The following PTPRD variants were observed in gnomAD, a reference collection of about 807,000 sequenced individuals.
The protein encoded by PTPRD is protein tyrosine phosphatase receptor type D, also known as receptor-type tyrosine-protein phosphatase delta.
PTPRD carries 34 observed loss-of-function variants against 214.5 expected under a neutral mutation model. The ratio of observed to expected loss-of-function variants is 0.16; its 90% CI spans 0.12 to 0.21. The LOEUF is 0.21. Among genes scored for constraint, PTPRD ranks in the 10% least tolerant of loss-of-function variants. PTPRD has a pLI of 1.00. For missense variants in PTPRD, 2,545 were observed against 2,398.7 expected, an observed-to-expected ratio of 1.06 and a Z score of -1.27; for synonymous variants, 1,128 against 845.7, an observed-to-expected ratio of 1.33 and a Z score of -5.79.
intron 8 of PTPRD, among the ~76,000 whole-genome samples, chr9:9,417,086 G>A (rs1482159557): frequency 6.6e-6 from 1 of 152,058 alleles, no homozygotes; most frequent in African/African-American, 2.4e-5. Flanking sequence ...CAATTTCGGG[G>A]TTAATGAAGC....
rs138808186 is a variant in PTPRD at position 9,807,127 on chromosome 9, G to A, written c.-367-40276C>T. On this transcript the variant is annotated intron_variant, in intron 5 of 45. Coordinates refer to ENST00000381196, the MANE Select transcript of PTPRD (RefSeq NM_002839.4). ...AATCTTTTAATAAACTTTCACTCCC[G>A]CTGCAAAACTTGCCTCAGTCTCTAT... is the stretch of plus-strand genomic sequence containing the variant. Among the ~76,000 whole-genome samples the A allele has an allele frequency of 3.0e-3, 456 of 152,004 alleles. 2 individuals are homozygous for A. The highest frequency in any genetic ancestry group is 0.01 in the Middle Eastern group (3 of 294).
At chr9:10,387,496 C>T (rs948166699) in intron 2 of PTPRD, among the ~76,000 whole-genome samples, 1 of 151,910 alleles carries the variant, frequency 6.6e-6, no homozygotes, top group Admixed American at 6.6e-5. Context: ...TGGCTGAACA[C>T]AGTAAGAGTA....
At chr9:10,203,337 G>A (rs2099441840) in intron 3 of PTPRD, among the ~76,000 whole-genome samples, 3 of 151,974 alleles carry the variant, frequency 2.0e-5, no homozygotes, top group Admixed American at 1.3e-4. Flanking sequence ...CTGGAGTTCA[G>A]AAGAAAATAA....
intron 5 of PTPRD, among the ~76,000 whole-genome samples, chr9:9,872,319 C>T (rs982224801): frequency 6.6e-6 from 1 of 152,128 alleles, no homozygotes; most frequent in Admixed American, 6.5e-5. Context: ...ATTTCCTCCA[C>T]AATTAAATGG....
intron 7 of PTPRD, among the ~76,000 whole-genome samples, chr9:9,688,589 G>T (rs1015875459): frequency 8.6e-5 from 13 of 151,792 alleles, no homozygotes; most frequent in African/African-American, 2.9e-4. Flanking sequence ...ATATGAGTAC[G>T]ACAAAGTTTG....
chr9:10,115,875 A>T (rs1478696040), intron 3 of PTPRD, among the ~76,000 whole-genome samples: 1 of 152,132 alleles, frequency 6.6e-6, no homozygotes, highest in African/African-American at 2.4e-5. Flanking sequence ...GTGTATCCCA[A>T]ATAAATACAT....
At chr9:8,767,479 G>C (rs1256212563) in intron 11 of PTPRD, among the ~76,000 whole-genome samples, 1 of 152,092 alleles carries the variant, frequency 6.6e-6, no homozygotes, top group Non-Finnish European at 1.5e-5. Context: ...ATTTATATAG[G>C]AACTCAAAGA....
chr9:8,374,012 C>T (rs1375889911), intron 39 of PTPRD, among the ~76,000 whole-genome samples: 2 of 151,114 alleles, frequency 1.3e-5, no homozygotes, highest in African/African-American at 2.4e-5. Flanking sequence ...TTTTGAAATG[C>T]AATGTGAAAA....
At chr9:9,584,786 T>G (rs937102453) in intron 7 of PTPRD, among the ~76,000 whole-genome samples, 1 of 151,982 alleles carries the variant, frequency 6.6e-6, no homozygotes, top group Admixed American at 6.6e-5. Flanking sequence ...TTATCTTTAT[T>G]TTCAACCTGT....
intron 25 of PTPRD, among the ~76,000 whole-genome samples, chr9:8,499,276 T>C (rs1474929000): frequency 1.3e-5 from 2 of 152,208 alleles, no homozygotes; most frequent in Admixed American, 1.3e-4. Context: ...CAAGTTGTTT[T>C]AGCACAGAAG....
chr9:9,464,097 G>C (rs1589120431), intron 8 of PTPRD, among the ~76,000 whole-genome samples: 1 of 152,228 alleles, frequency 6.6e-6, no homozygotes, highest in East Asian at 1.9e-4. Context: ...ATGGATTTGA[G>C]TCTGATCTCA....
intron 14 of PTPRD, among the ~76,000 whole-genome samples, chr9:8,570,781 G>T (rs569015388): frequency 2.4e-4 from 36 of 152,012 alleles, no homozygotes; most frequent in Middle Eastern, 3.4e-3. Context: ...GTGATGGATT[G>T]GTAATGCTAT....
chr9:10,247,668 A>G (rs1004308162), intron 3 of PTPRD, among the ~76,000 whole-genome samples: 1 of 152,196 alleles, frequency 6.6e-6, no homozygotes, highest in Non-Finnish European at 1.5e-5. Context: ...AAATAAAAGA[A>G]AATTCATACA....
intron 2 of PTPRD, among the ~76,000 whole-genome samples, chr9:10,403,225 TAA>T (rs2098301282): frequency 9.7e-6 from 1 of 102,854 alleles, no homozygotes; most frequent in South Asian, 3.2e-4. Flanking sequence ...TGTGTGTGTG[TAA>T]ATATATATAT....
chr9:8,889,578 C>G (rs1301198260), intron 11 of PTPRD, among the ~76,000 whole-genome samples: 1 of 152,132 alleles, frequency 6.6e-6, no homozygotes, highest in East Asian at 1.9e-4. Context: ...GCAGTGTACA[C>G]TGTGCTCAAT....
intron 4 of PTPRD, among the ~76,000 whole-genome samples, chr9:10,025,988 C>T (rs2096915823): frequency 6.6e-6 from 1 of 152,204 alleles, no homozygotes; most frequent in Non-Finnish European, 1.5e-5. Flanking sequence ...CAGGATACTT[C>T]AAGGCTAAGG....
intron 5 of PTPRD, among the ~76,000 whole-genome samples, chr9:9,904,251 G>T (rs2077046365): frequency 6.6e-6 from 1 of 152,022 alleles, no homozygotes; most frequent in African/African-American, 2.4e-5. Context: ...TACAAGAAAT[G>T]AGAATCAGGA....
chr9:8,322,147 ATCTG>A (rs1829010984), intron 44 of PTPRD, among the ~76,000 whole-genome samples: 1 of 151,984 alleles, frequency 6.6e-6, no homozygotes, highest in Admixed American at 6.6e-5. Context: ...CAGTTTCCCC[ATCTG>A]TCTTTTTCTC....
intron 10 of PTPRD, among the ~76,000 whole-genome samples, chr9:9,174,613 G>A (rs2099923483): frequency 6.6e-6 from 1 of 152,028 alleles, no homozygotes; most frequent in Admixed American, 6.6e-5. Flanking sequence ...GTTCTCCTAA[G>A]TAAATTGTAA....
Sources: gnomAD v4.1 joint callset for allele counts (sites outside exome capture counted in the v4.1 genomes callset) on GRCh38, gnomAD v4.1.1 for gene constraint, MANE v1.5 for transcripts, NCBI Gene and HGNC (gene_info 2026-07-23, HGNC 2026-07-21) for gene names.